The following KAT6B variants were observed in gnomAD, a reference collection of about 807,000 sequenced individuals.
KAT6B encodes the protein lysine acetyltransferase 6B.
A neutral mutation model predicts 187.5 loss-of-function variants in KAT6B; 10 were observed. The observed-to-expected ratio is 0.05, with a 90% CI of 0.03 to 0.09. KAT6B has a LOEUF of 0.09. Among genes scored for constraint, KAT6B ranks in the 10% least tolerant of loss-of-function variants. KAT6B has a pLI of 1.00. For synonymous variants in KAT6B, 861 were observed against 926.8 expected, an observed-to-expected ratio of 0.93 and a Z score of 1.29; for missense variants, 1,952 against 2,558.9, an observed-to-expected ratio of 0.76 and a Z score of 5.12.
At chr10:74,899,310 TGTCA>T (rs922185610) in intron 3 of KAT6B, among the ~76,000 whole-genome samples, 21 of 149,774 alleles carry the variant, frequency 1.4e-4, no homozygotes, top group Non-Finnish European at 2.4e-4. Context: ...GTTTCTTTCT[TGTCA>T]GTCAGGCTAG....
intron 3 of KAT6B, among the ~76,000 whole-genome samples, chr10:74,872,548 A>G (rs1208450253): frequency 6.6e-6 from 1 of 151,994 alleles, no homozygotes; most frequent in African/African-American, 2.4e-5. Context: ...GCAAAGTTTT[A>G]AAGTTTTTTT....
chr10:74,839,247 T>C (rs1841546516), intron 2 of KAT6B, among the ~76,000 whole-genome samples: 2 of 141,442 alleles, frequency 1.4e-5, no homozygotes, highest in African/African-American at 5.9e-5. Flanking sequence ...TTTTTTTTTT[T>C]GAGATGGAGT....
At position 75,021,867 on chromosome 10, in the gene KAT6B, C is replaced by T; in HGVS notation, c.3022-14C>T. On this transcript the variant is annotated splice_polypyrimidine_tract_variant and intron_variant, in intron 15 of 17. Coordinates refer to ENST00000287239, the MANE Select transcript of KAT6B (RefSeq NM_012330.4). ...GCCCTCTCACTGGCCACCATTTTTA[C>T]CCTCCCCACTTAGGCTGAGCGGCTA... 1 of 1,614,064 alleles carries T rather than the reference C, an allele frequency of 6.2e-7. No homozygotes were observed. Among genetic ancestry groups the T allele is most frequent in the Non-Finnish European group, 8.5e-7 (1 of 1,179,994 alleles).
chr10:75,005,217 C>CTT (rs1267005706), intron 13 of KAT6B, among the ~76,000 whole-genome samples: 3 of 143,634 alleles, frequency 2.1e-5, no homozygotes, highest in African/African-American at 7.6e-5. Context: ...TTTTTTTGTT[C>CTT]TTTTTTTTTT....
chr10:75,019,175 T>C (rs1259267313), intron 13 of KAT6B, among the ~76,000 whole-genome samples: 3 of 152,230 alleles, frequency 2.0e-5, no homozygotes, highest in Non-Finnish European at 4.4e-5. Flanking sequence ...CTGTAAAATG[T>C]TGCGGTGCTT....
chr10:75,000,964 C>T (rs889343654), intron 13 of KAT6B, among the ~76,000 whole-genome samples: 5 of 152,070 alleles, frequency 3.3e-5, no homozygotes, highest in African/African-American at 1.2e-4. Flanking sequence ...AGTTTTGTGC[C>T]TCCAGGTTAT....
At chr10:74,908,549 C>CAAAAAAAAA (rs10715826) in intron 3 of KAT6B, among the ~76,000 whole-genome samples, 1 of 109,450 alleles carries the variant, frequency 9.1e-6, no homozygotes, top group Non-Finnish European at 1.9e-5. Flanking sequence ...GACCCCGTCT[C>CAAAAAAAAA]AAAAAAAAAA....
chr10:75,008,298 A>G (rs141411065), intron 13 of KAT6B, among the ~76,000 whole-genome samples: 242 of 152,352 alleles, frequency 1.6e-3, no homozygotes, highest in Non-Finnish European at 2.7e-3. Context: ...AGATGTGTAC[A>G]GGAAAATTGC....
intron 4 of KAT6B, among the ~76,000 whole-genome samples, chr10:74,968,651 G>T (rs914261938): frequency 6.6e-6 from 1 of 152,056 alleles, no homozygotes; most frequent in Admixed American, 6.6e-5. Context: ...TTGCAGCTTG[G>T]TTGTAAGTTC....
intron 3 of KAT6B, among the ~76,000 whole-genome samples, chr10:74,851,533 A>G (rs977851057): frequency 3.9e-5 from 6 of 152,078 alleles, no homozygotes; most frequent in African/African-American, 1.4e-4. Context: ...GGGTTTCACC[A>G]TATTGGCCAG....
intron 3 of KAT6B, among the ~76,000 whole-genome samples, chr10:74,951,271 A>C (rs1840300819): frequency 6.6e-6 from 1 of 151,982 alleles, no homozygotes; most frequent in Non-Finnish European, 1.5e-5. Context: ...CTGGGACTAC[A>C]GGTGCGCACC....
chr10:74,863,762 C>T (rs1207072432), intron 3 of KAT6B, among the ~76,000 whole-genome samples: 4 of 152,220 alleles, frequency 2.6e-5, no homozygotes, highest in Non-Finnish European at 5.9e-5. Flanking sequence ...TTTCCCCATC[C>T]TTATTCCTAT....
At chr10:74,994,659 C>T (rs1024525167) in intron 13 of KAT6B, among the ~76,000 whole-genome samples, 30 of 151,744 alleles carry the variant, frequency 2.0e-4, no homozygotes, top group Admixed American at 2.6e-4. Context: ...TGGTGGCAGG[C>T]GCCTGTAGTC....
chr10:74,826,984 C>T (rs1840301633), intron 1 of KAT6B, among the ~76,000 whole-genome samples, 199 bp downstream of exon 1: 1 of 135,576 alleles, frequency 7.4e-6, no homozygotes, highest in East Asian at 2.4e-4. Context: ...AGGCCCCGCC[C>T]CTCGGCAGGG....
intron 13 of KAT6B, among the ~76,000 whole-genome samples, chr10:75,007,012 G>A (rs1288821482): frequency 6.7e-6 from 1 of 149,964 alleles, no homozygotes; most frequent in African/African-American, 2.5e-5. Flanking sequence ...AGGTTGCAGT[G>A]AGCTGAGATC....
At chr10:74,928,466 G>A (rs184762072) in intron 3 of KAT6B, among the ~76,000 whole-genome samples, 60 of 152,248 alleles carry the variant, frequency 3.9e-4, no homozygotes, top group East Asian at 1.2e-3. Flanking sequence ...AGTTATAAGC[G>A]TGATGAGTGC....
chr10:74,839,667 T>C (rs1841585775), intron 2 of KAT6B, among the ~76,000 whole-genome samples: 2 of 152,240 alleles, frequency 1.3e-5, no homozygotes, highest in Non-Finnish European at 2.9e-5. Flanking sequence ...TTAAATTAGT[T>C]GTGATTCATC....
intron 4 of KAT6B, among the ~76,000 whole-genome samples, chr10:74,969,147 T>G (rs1410515487): frequency 1.3e-5 from 2 of 152,228 alleles, no homozygotes; most frequent in African/African-American, 4.8e-5. Context: ...TGGGATGTTC[T>G]TTGTGTGCTA....
At chr10:74,869,834 A>C (rs973784889) in intron 3 of KAT6B, among the ~76,000 whole-genome samples, 9 of 152,316 alleles carry the variant, frequency 5.9e-5, no homozygotes, top group African/African-American at 2.2e-4. Context: ...AACTAAGATT[A>C]AGCTTCTGTT....
Sources: allele counts gnomAD v4.1 joint callset (sites outside exome capture counted in the v4.1 genomes callset), GRCh38; gene constraint gnomAD v4.1.1; transcripts MANE v1.5; gene names NCBI Gene and HGNC (gene_info 2026-07-23, HGNC 2026-07-21).